LRBA: variants seen among roughly 807,000 people sequenced by gnomAD.
LRBA encodes the protein LPS responsive beige-like anchor protein, also known as lipopolysaccharide-responsive and beige-like anchor protein.
In LRBA, 176 loss-of-function variants were observed where a neutral mutation model predicts 330.0. The observed-to-expected ratio is 0.53, with a 90% CI of 0.47 to 0.60. The LOEUF is 0.60. Ranked by LOEUF, LRBA falls within the 20% of genes least tolerant of loss-of-function variation. LRBA has a pLI of 0.00. For synonymous variants in LRBA, 1,230 were observed against 1,193.0 expected, an observed-to-expected ratio of 1.03 and a Z score of -0.64; for missense variants, 3,259 against 3,444.8, an observed-to-expected ratio of 0.95 and a Z score of 1.35.
At chr4:151,003,074 A>G (rs558205782) in intron 2 of LRBA, among the ~76,000 whole-genome samples, 1 of 138,510 alleles carries the variant, frequency 7.2e-6, no homozygotes, top group African/African-American at 3.0e-5. Context: ...GTGTGTGTGT[A>G]CCAACATCAT....
At chr4:150,884,141 T>G (rs553166482) in intron 17 of LRBA, among the ~76,000 whole-genome samples, 3 of 152,172 alleles carry the variant, frequency 2.0e-5, no homozygotes, top group Admixed American at 2.0e-4. Flanking sequence ...AAAGTAGCAC[T>G]GTTGCTTTCA....
chr4:150,868,316 G>A lies in LRBA; in HGVS notation c.2450-11C>T, dbSNP rs1197740204. The A allele has an allele frequency of 1.3e-6, 2 of 1,558,954 alleles. No homozygotes were observed. The highest frequency in any genetic ancestry group is 2.7e-5 in the African/African-American group (2 of 73,218). On this transcript the variant is annotated splice_polypyrimidine_tract_variant and intron_variant, in intron 20 of 56. Coordinates refer to ENST00000651943, the MANE Select transcript of LRBA (RefSeq NM_001364905.1). Reference sequence around the variant, plus strand: ...TTACTTTTAGTATCTCTGTAAGACAGTTTATAAATAAGTAAAAACCAAACT... The same window carrying A: ...TTACTTTTAGTATCTCTGTAAGACAATTTATAAATAAGTAAAAACCAAACT...
intron 47 of LRBA, among the ~76,000 whole-genome samples, chr4:150,353,034 T>A (rs1414229286): frequency 6.6e-6 from 1 of 152,194 alleles, no homozygotes; most frequent in Non-Finnish European, 1.5e-5. Flanking sequence ...ATTCACTTAA[T>A]TAGAACTTTC....
intron 2 of LRBA, among the ~76,000 whole-genome samples, chr4:151,011,202 A>G (rs1744804981): frequency 6.6e-6 from 1 of 151,710 alleles, no homozygotes; most frequent in South Asian, 2.1e-4. Context: ...AAAAAAAGAG[A>G]AAAAACTCTG....
chr4:150,373,722 T>C (rs1317790028), intron 47 of LRBA, among the ~76,000 whole-genome samples: 1 of 152,226 alleles, frequency 6.6e-6, no homozygotes, highest in Admixed American at 6.5e-5. Context: ...GAAGAGTATC[T>C]GGCTGGCCTT....
At chr4:150,906,072 C>G (rs767715837) in intron 12 of LRBA, 82 bp from the exon 13 acceptor site, 1 of 1,227,720 alleles carries the variant, frequency 8.1e-7, no homozygotes. Flanking sequence ...AGGAAAAAAA[C>G]TGGCCCACAA....
intron 47 of LRBA, among the ~76,000 whole-genome samples, chr4:150,375,720 G>A (rs900548375): frequency 6.6e-6 from 1 of 151,778 alleles, no homozygotes; most frequent in Non-Finnish European, 1.5e-5. Flanking sequence ...AAAGTGCTGG[G>A]ATTACAGGTG....
At chr4:150,407,510 T>C (rs1284171384) in intron 47 of LRBA, among the ~76,000 whole-genome samples, 11 of 152,018 alleles carry the variant, frequency 7.2e-5, no homozygotes, top group Admixed American at 5.2e-4. Flanking sequence ...AGATACAGAA[T>C]AGTTAAACAC....
At chr4:150,290,975 C>CT in intron 53 of LRBA, among the ~76,000 whole-genome samples, 1 of 151,918 alleles carries the variant, frequency 6.6e-6, no homozygotes, top group Non-Finnish European at 1.5e-5. Flanking sequence ...TTTTATTATA[C>CT]TTTAAGTTTT....
rs542791563 is a variant in LRBA, at chr4:150,325,897, G to C, written c.7364C>G (p.Ala2455Gly). The change falls in exon 49 of 57, where the codon GCT (alanine) becomes GGT (glycine). Residue 2455 changes from alanine to glycine, a missense_variant and splice_region_variant. Physicochemically the swap from Ala to Gly is moderately conservative, Grantham distance 60 (BLOSUM62 0). Transcript: ENST00000651943. Reference sequence around the variant, plus strand: ...AAAACTTCGGATTTGAGCTTCAACAGCCTGAAAAGGGCAGGGGCAAGTCTG... The same window carrying C: ...AAAACTTCGGATTTGAGCTTCAACACCCTGAAAAGGGCAGGGGCAAGTCTG... ...NSITDPVLRE[A>G]VEAQIRSFGQ... is the part of the protein sequence containing the mutation. The C allele has an allele frequency of 7.8e-5, 125 of 1,596,752 alleles. No individual in the cohort carries two copies. The South Asian group carries it at 1.3e-3, about 16-fold the overall frequency.
At chr4:150,373,168 T>TGAGAGAGAGAGAGA (rs1367151216) in intron 47 of LRBA, among the ~76,000 whole-genome samples, 4 of 111,550 alleles carry the variant, frequency 3.6e-5, no homozygotes, top group African/African-American at 1.3e-4. Flanking sequence ...TGTGTGTGTG[T>TGAGAGAGAGAGAGA]GTGTGAGAGA....
intron 47 of LRBA, among the ~76,000 whole-genome samples, chr4:150,350,632 G>A (rs1264239271): frequency 6.6e-6 from 1 of 151,170 alleles, no homozygotes; most frequent in African/African-American, 2.4e-5. Context: ...GTCCTCCTTG[G>A]TTTATAATTA....
chr4:150,799,174 C>T (rs1578816855), intron 33 of LRBA, among the ~76,000 whole-genome samples: 1 of 152,110 alleles, frequency 6.6e-6, no homozygotes, highest in Non-Finnish European at 1.5e-5. Flanking sequence ...TCACCCCCTT[C>T]GTTTTTTAAA....
At chr4:150,562,826 G>A (rs1230775104) in intron 40 of LRBA, among the ~76,000 whole-genome samples, 1 of 151,458 alleles carries the variant, frequency 6.6e-6, no homozygotes, top group Non-Finnish European at 1.5e-5. Context: ...TTTAATAGGG[G>A]TCTTGCTCTG....
chr4:150,897,193 A>G (rs1269608493), intron 15 of LRBA, among the ~76,000 whole-genome samples: 1 of 152,008 alleles, frequency 6.6e-6, no homozygotes, highest in Non-Finnish European at 1.5e-5. Flanking sequence ...AGCATTATAA[A>G]ATCATATAGG....
At chr4:150,443,612 C>G (rs1752126363) in intron 44 of LRBA, among the ~76,000 whole-genome samples, 2 of 151,906 alleles carry the variant, frequency 1.3e-5, no homozygotes, top group Admixed American at 1.3e-4. Context: ...AAACCAAACA[C>G]CGCATGTTCT....
intron 48 of LRBA, among the ~76,000 whole-genome samples, chr4:150,338,966 T>TATAC (rs1735101881): frequency 1.3e-5 from 2 of 148,618 alleles, no homozygotes; most frequent in African/African-American, 2.5e-5. Context: ...TATTTAATTA[T>TATAC]ACACACACAC....
At chr4:150,866,287 G>GT (rs749101307) in intron 22 of LRBA, among the ~76,000 whole-genome samples, 21 of 152,108 alleles carry the variant, frequency 1.4e-4, no homozygotes, top group Non-Finnish European at 2.8e-4. Flanking sequence ...TCCTCAGAAG[G>GT]TACAAACATA....
At chr4:150,616,693 G>A (rs1034915291) in intron 37 of LRBA, among the ~76,000 whole-genome samples, 3 of 152,104 alleles carry the variant, frequency 2.0e-5, no homozygotes, top group Non-Finnish European at 2.9e-5. Flanking sequence ...AGAGAGAATA[G>A]GAGAAGAGAA....
Sources: allele counts gnomAD v4.1 joint callset (sites outside exome capture counted in the v4.1 genomes callset), GRCh38; gene constraint gnomAD v4.1.1; transcripts MANE v1.5; gene names NCBI Gene and HGNC (gene_info 2026-07-23, HGNC 2026-07-21).